Variants in TSHZ2 observed in about 807,000 individuals in gnomAD.
TSHZ2 encodes the protein teashirt zinc finger homeobox 2.
A neutral mutation model predicts 74.4 loss-of-function variants in TSHZ2; 21 were observed. The observed-to-expected ratio is 0.28, with a 90% CI of 0.20 to 0.41. TSHZ2 has a LOEUF of 0.41. TSHZ2 is among the 10% of genes least tolerant of loss of function. The probability of loss-of-function intolerance (pLI) is 1.00; values close to 1 mark genes in which losing one functional copy is unlikely to be tolerated. For missense variants in TSHZ2, 1,244 were observed against 1,293.5 expected (o/e 0.96, Z 0.59); for synonymous variants, 540 against 515.3 (o/e 1.05, Z -0.65).
intron 1 of TSHZ2, among the ~76,000 whole-genome samples, chr20:53,086,914 G>A (rs1370263992): frequency 6.6e-6 from 1 of 152,150 alleles, no homozygotes; most frequent in Non-Finnish European, 1.5e-5. Flanking sequence ...TAGCTAGCTG[G>A]CATGTTAGAC....
chr20:53,232,646 C>T (rs534901780), intron 1 of TSHZ2, among the ~76,000 whole-genome samples: 3 of 152,268 alleles, frequency 2.0e-5, no homozygotes, highest in South Asian at 4.2e-4. Flanking sequence ...GGAAGGATGG[C>T]TGGAGCCCAG....
intron 1 of TSHZ2, among the ~76,000 whole-genome samples, chr20:53,005,293 C>G (rs1056633942): frequency 6.6e-6 from 1 of 152,092 alleles, no homozygotes; most frequent in Non-Finnish European, 1.5e-5. Flanking sequence ...GCCTGGGCAA[C>G]AGAGAGAGAC....
At chr20:53,122,270 AGAGT>A (rs1470903193) in intron 1 of TSHZ2, among the ~76,000 whole-genome samples, 1 of 148,728 alleles carries the variant, frequency 6.7e-6, no homozygotes, top group East Asian at 2.0e-4. Flanking sequence ...CCTGGGTGAC[AGAGT>A]GAGACCCCAT....
chr20:53,357,517 AT>A (rs1568883198), intron 2 of TSHZ2, among the ~76,000 whole-genome samples: 2 of 152,132 alleles, frequency 1.3e-5, no homozygotes, highest in African/African-American at 4.8e-5. Context: ...TAAAAAAAAA[AT>A]AAAATTAAAT....
At chr20:53,263,157 A>G (rs1164199504) in intron 2 of TSHZ2, among the ~76,000 whole-genome samples, 1 of 152,226 alleles carries the variant, frequency 6.6e-6, no homozygotes, top group Non-Finnish European at 1.5e-5. Flanking sequence ...TAAACAAAAA[A>G]TAGATACTTT....
intron 1 of TSHZ2, among the ~76,000 whole-genome samples, chr20:53,248,707 G>A (rs1358386506): frequency 6.6e-6 from 1 of 152,166 alleles, no homozygotes; most frequent in Admixed American, 6.5e-5. Flanking sequence ...ATGCTTTGAG[G>A]TCTTGTTGCT....
intron 1 of TSHZ2, among the ~76,000 whole-genome samples, chr20:53,054,508 T>C (rs1397262398): frequency 6.6e-6 from 1 of 152,200 alleles, no homozygotes; most frequent in African/African-American, 2.4e-5. Flanking sequence ...CGCAGAACTT[T>C]AAAATGTCAG....
chr20:53,301,981 A>T (rs1978335148), intron 2 of TSHZ2, among the ~76,000 whole-genome samples: 1 of 152,210 alleles, frequency 6.6e-6, no homozygotes, highest in African/African-American at 2.4e-5. Context: ...AAAATCCACT[A>T]GTTGAATACC....
intron 1 of TSHZ2, among the ~76,000 whole-genome samples, chr20:53,153,107 C>T (rs187133402): frequency 6.6e-6 from 1 of 152,318 alleles, no homozygotes; most frequent in East Asian, 1.9e-4. Context: ...ATAACACAAT[C>T]AGGACATCCT....
chr20:53,173,613 A>C (rs369149804), intron 1 of TSHZ2, among the ~76,000 whole-genome samples: 8 of 152,324 alleles, frequency 5.3e-5, no homozygotes, highest in African/African-American at 1.4e-4. Context: ...ATCTCAAAAG[A>C]AAATTAATAA....
chr20:53,440,881 G>A (rs185417088), intron 2 of TSHZ2, among the ~76,000 whole-genome samples: 1 of 152,342 alleles, frequency 6.6e-6, no homozygotes, highest in African/African-American at 2.4e-5. Context: ...AAGTGCAAAG[G>A]CCCTGAGGCA....
chr20:53,126,705 A>T (rs1215954409), intron 1 of TSHZ2, among the ~76,000 whole-genome samples: 1 of 152,202 alleles, frequency 6.6e-6, no homozygotes, highest in African/African-American at 2.4e-5. Flanking sequence ...GTAGATCTTG[A>T]AACAAAATAG....
chr20:53,388,556 CTT>C (rs1377800093), intron 2 of TSHZ2, among the ~76,000 whole-genome samples: 2 of 151,712 alleles, frequency 1.3e-5, no homozygotes, highest in Non-Finnish European at 2.9e-5. Context: ...ATACTCACCT[CTT>C]TAACTTTCTT....
chr20:53,436,536 A>ATTTTTTTTTTTTTTTTTTTTTT (rs71194478), intron 2 of TSHZ2, among the ~76,000 whole-genome samples: 1 of 83,564 alleles, frequency 1.2e-5, no homozygotes, highest in African/African-American at 4.9e-5. Flanking sequence ...TATTATTATT[A>ATTTTTTTTTTTTTTTTTTTTTT]TTATTATTAT....
intron 2 of TSHZ2, among the ~76,000 whole-genome samples, chr20:53,333,750 C>A (rs549862946): frequency 2.1e-4 from 32 of 152,206 alleles, no homozygotes; most frequent in Non-Finnish European, 4.4e-4. Flanking sequence ...GCCACTGCGC[C>A]CGGCCTGCCA....
intron 2 of TSHZ2, among the ~76,000 whole-genome samples, chr20:53,440,220 AGCGAGTTTG>A (rs1396781400): frequency 6.6e-6 from 1 of 152,182 alleles, no homozygotes; most frequent in Non-Finnish European, 1.5e-5. Context: ...TAAAAGGAGA[AGCGAGTTTG>A]GTGGTTGCGG....
chr20:53,189,509 T>C (rs918873024), intron 1 of TSHZ2, among the ~76,000 whole-genome samples: 6 of 152,206 alleles, frequency 3.9e-5, no homozygotes, highest in Admixed American at 1.3e-4. Flanking sequence ...ATTAACTACA[T>C]GATTATTGGT....
rs762450890 is a variant in TSHZ2, at chr20:53,253,745, A to C, written c.287A>C (p.Lys96Thr). 1.2e-6 allele frequency: 2 copies of C among 1,614,220 alleles called. No individual in the cohort carries two copies. Among genetic ancestry groups the C allele is most frequent in the Non-Finnish European group, 1.7e-6 (2 of 1,180,038 alleles). Reference protein sequence around the residue: ...SDASDQVSDIKSVCGRDASDK... With the variant: ...SDASDQVSDITSVCGRDASDK... The stretch of plus-strand genomic sequence containing the variant: ...GCCAGTGATCAGGTGTCGGACATCA[A>C]GAGTGTCTGCGGCAGAGATGCCTCA... The change falls in exon 2 of 3, where the codon AAG becomes ACG. Residue 96 changes from lysine to threonine, a missense_variant. Transcript: ENST00000371497.
intron 1 of TSHZ2, among the ~76,000 whole-genome samples, chr20:53,013,096 A>G (rs1167626890): frequency 6.6e-6 from 1 of 152,180 alleles, no homozygotes; most frequent in African/African-American, 2.4e-5. Context: ...TCTCAGTGTG[A>G]TTGGAGTTTT....
Sources: gnomAD v4.1 joint callset for allele counts (sites outside exome capture counted in the v4.1 genomes callset) on GRCh38, gnomAD v4.1.1 for gene constraint, MANE v1.5 for transcripts, NCBI Gene and HGNC (gene_info 2026-07-23, HGNC 2026-07-21) for gene names.